NRAP: variants seen among roughly 807,000 people sequenced by gnomAD.
NRAP encodes nebulin-related-anchoring protein.
Under a neutral mutation model 225.9 loss-of-function variants are expected in NRAP, and 189 were observed. The observed-to-expected ratio is 0.84, with a 90% confidence interval of 0.74 to 0.94. NRAP has a LOEUF of 0.94. Ranked by LOEUF, NRAP falls within the 40% of genes least tolerant of loss-of-function variation. NRAP has a pLI of 0.00. For synonymous variants in NRAP, 769 were observed against 790.7 expected (o/e 0.97, Z 0.46); for missense variants, 2,176 against 2,168.7 (o/e 1.00, Z -0.07).
At chr10:113,619,253 T>C (rs1847849832) in intron 25 of NRAP, among the ~76,000 whole-genome samples, 1 of 152,224 alleles carries the variant, frequency 6.6e-6, no homozygotes, top group Non-Finnish European at 1.5e-5. Context: ...GTCTTTAGTC[T>C]TCATTTCCTT....
chr10:113,632,287 T>C (rs191687805), intron 16 of NRAP, among the ~76,000 whole-genome samples: 100 of 152,330 alleles, frequency 6.6e-4, no homozygotes, highest in Non-Finnish European at 1.3e-3. Flanking sequence ...ATATTCTCTT[T>C]CTCAGGATTG....
At chr10:113,640,530 T>G (rs1254830110) in intron 13 of NRAP, among the ~76,000 whole-genome samples, 199 bp from the exon 14 acceptor site, 1 of 152,338 alleles carries the variant, frequency 6.6e-6, no homozygotes, top group Non-Finnish European at 1.5e-5. Context: ...ATTAGTTAAC[T>G]TCCATCTGTA....
At chr10:113,628,291 A>G (rs1297658424) in intron 20 of NRAP, among the ~76,000 whole-genome samples, 2 of 152,116 alleles carry the variant, frequency 1.3e-5, no homozygotes, top group African/African-American at 4.8e-5. Context: ...AGGTTCAAGC[A>G]ATTCTCCTGC....
At chr10:113,630,695 G>A (rs1848530353) in intron 18 of NRAP, among the ~76,000 whole-genome samples, 1 of 152,132 alleles carries the variant, frequency 6.6e-6, no homozygotes, top group Non-Finnish European at 1.5e-5. Flanking sequence ...AATTCTCAAT[G>A]CCTCTTTATG....
intron 3 of NRAP, among the ~76,000 whole-genome samples, chr10:113,662,294 A>G (rs1850726068): frequency 6.6e-6 from 1 of 152,206 alleles, no homozygotes; most frequent in Non-Finnish European, 1.5e-5. Context: ...ACATATTAGA[A>G]TGTGTAATGA....
chr10:113,656,318 C>A (rs769668197), intron 4 of NRAP, among the ~76,000 whole-genome samples: 1 of 152,136 alleles, frequency 6.6e-6, no homozygotes, highest in Non-Finnish European at 1.5e-5. Flanking sequence ...CTGAAAGCCC[C>A]CACTTCGAGG....
intron 35 of NRAP, among the ~76,000 whole-genome samples, chr10:113,602,133 C>T (rs1372437651): frequency 6.6e-6 from 1 of 152,228 alleles, no homozygotes; most frequent in Non-Finnish European, 1.5e-5. Flanking sequence ...TTACCCTGGC[C>T]TCCCAAAGTG....
At position 113,643,981 on chromosome 10, in the gene NRAP, T is replaced by C. The variant is rs766994531; in HGVS notation, c.1111-943A>G. Among the ~76,000 whole-genome samples, 8 of 151,614 alleles carry C rather than the reference T, an allele frequency of 5.3e-5. No individual in the cohort carries two copies. In the South Asian group the frequency reaches 1.2e-3, roughly 24 times the overall value. ...AGCAGACGGGGTTTCACCCCGTCTC[T>C]ACCAAAAATACAAAAAATTAGCTGG... On this transcript the variant is annotated intron_variant, in intron 11 of 41. Coordinates refer to ENST00000359988, the MANE Select transcript of NRAP (RefSeq NM_198060.4).
chr10:113,662,914 G>C, intron 2 of NRAP, 148 bp from the exon 3 acceptor site: 1 of 469,214 alleles, frequency 2.1e-6, no homozygotes, highest in Admixed American at 4.1e-5. Flanking sequence ...TGATTTTCCA[G>C]GCAATGCATC....
At chr10:113,615,878 G>T (rs999342472) in intron 26 of NRAP, 62 bp from the exon 27 acceptor site, 2 of 963,154 alleles carry the variant, frequency 2.1e-6, no homozygotes, top group Non-Finnish European at 1.7e-6. Context: ...CATCAGCCAG[G>T]TTACGCTTCA....
At chr10:113,603,736 C>T (rs1181944435) in intron 35 of NRAP, among the ~76,000 whole-genome samples, 1 of 152,186 alleles carries the variant, frequency 6.6e-6, no homozygotes. Context: ...GTCAAGGCTG[C>T]TCCTACTCAA....
At chr10:113,619,576 G>T (rs992608427) in intron 25 of NRAP, among the ~76,000 whole-genome samples, 6 of 150,622 alleles carry the variant, frequency 4.0e-5, no homozygotes, top group Non-Finnish European at 5.9e-5. Flanking sequence ...ACCAACAAGG[G>T]TGTCTTTCTA....
At position 113,604,883 on chromosome 10, in the gene NRAP, T is replaced by C. The variant is rs1219231615; in HGVS notation, c.3953A>G (p.Lys1318Arg). 2 of 1,614,110 alleles carry C rather than the reference T, an allele frequency of 1.2e-6. No homozygotes were observed. Among genetic ancestry groups the C allele is most frequent in the Non-Finnish European group, 8.5e-7 (1 of 1,179,968 alleles). The change falls in exon 35 of 42, where the codon AAA (lysine) becomes AGA (arginine). Residue 1318 changes from lysine (K) to arginine (R), a missense_variant. By Grantham distance (26) the Lys-to-Arg change is conservative. Transcript: ENST00000359988. The stretch of plus-strand genomic sequence containing the variant: ...TCTTACACTCTGGGGCCCTATGAGT[T>C]TCCCTCGCTCCTTCACAAAGTCATG... ...YRHDFVKERG[K>R]LIGPQSVRDD... is the part of the protein sequence containing the mutation.
At chr10:113,651,765 T>C in intron 7 of NRAP, 38 bp downstream of exon 7, 1 of 1,212,580 alleles carries the variant, frequency 8.2e-7, no homozygotes, top group Non-Finnish European at 1.2e-6. Flanking sequence ...TCAACCCAAA[T>C]GCCCATCAGT....
chr10:113,605,807 C>T lies in NRAP; in HGVS notation c.3870G>A (p.Ala1290=), dbSNP rs370318520. 2.2e-5 allele frequency: 36 copies of T among 1,613,976 alleles called. No homozygotes were observed. Among genetic ancestry groups the T allele is most frequent in the South Asian group, 2.1e-4 (19 of 91,084 alleles). The part of the protein sequence containing the change: ...RAQGYKLTIE[A]LPFQAARASG... ...AGGCCCGGGCAGCCTGGAAGGGGAG[C>T]GCTTCTATTGTCAGCTTGTAGCCTT... is the stretch of plus-strand genomic sequence containing the variant. The change falls in exon 34 of 42, where the codon GCG becomes GCA. Residue 1290 remains alanine, a synonymous_variant. Transcript: ENST00000359988.
intron 37 of NRAP, 92 bp from the exon 38 acceptor site, chr10:113,595,819 C>T (rs1400399046): frequency 1.2e-6 from 1 of 823,994 alleles, no homozygotes; most frequent in East Asian, 2.5e-5. Flanking sequence ...GCCCCTCCCA[C>T]CTGAGTGCCC....
At chr10:113,644,017 G>A (rs933192808) in intron 11 of NRAP, among the ~76,000 whole-genome samples, 3 of 151,842 alleles carry the variant, frequency 2.0e-5, no homozygotes, top group Admixed American at 1.3e-4. Context: ...GCATGGTGGT[G>A]GGCGCCTGTA....
At position 113,589,757 on chromosome 10, in the gene NRAP, CCAACACCTCTGGTCAGGTTCAAGT is replaced by C; in HGVS notation, c.4973_4996del (p.Asp1658_Val1665del). The C allele has an allele frequency of 1.9e-6, 3 of 1,614,116 alleles. No homozygotes were observed. The highest frequency in any genetic ancestry group is 2.5e-6 in the Non-Finnish European group (3 of 1,180,016). On this transcript the variant is annotated inframe_deletion, in exon 41 of 42. Transcript: ENST00000359988. ...TTTGTAGGAGCCAGGAGGGGTCCAG[CCAACACCTCTGGTCAGGTTCAAGT>C]CTGATTTATACTTGACCTTGAGGGT...
intron 30 of NRAP, among the ~76,000 whole-genome samples, chr10:113,611,072 C>T (rs1409263664): frequency 2.0e-5 from 3 of 152,126 alleles, no homozygotes; most frequent in Non-Finnish European, 4.4e-5. Flanking sequence ...CTGAATGATT[C>T]GGGCTGACAG....
Sources: gnomAD v4.1 joint callset for allele counts (sites outside exome capture counted in the v4.1 genomes callset) on GRCh38, gnomAD v4.1.1 for gene constraint, MANE v1.5 for transcripts, NCBI Gene and HGNC (gene_info 2026-07-23, HGNC 2026-07-21) for gene names.